DLGAP2: variants seen among roughly 807,000 people sequenced by gnomAD.
The protein encoded by DLGAP2 is disks large-associated protein 2.
Under a neutral mutation model 100.3 loss-of-function variants are expected in DLGAP2, and 26 were observed. The observed-to-expected ratio is 0.26, with a 90% confidence interval of 0.19 to 0.36. The LOEUF (loss-of-function observed/expected upper bound fraction) is 0.36. Ranked by LOEUF, DLGAP2 falls within the 10% of genes least tolerant of loss-of-function variation. DLGAP2 has a pLI of 1.00. For missense variants in DLGAP2, 1,858 were observed against 1,453.2 expected, an observed-to-expected ratio of 1.28 and a Z score of -4.53; for synonymous variants, 886 against 630.1, an observed-to-expected ratio of 1.41 and a Z score of -6.08.
At chr8:1,032,675 G>C (rs751667311) in intron 2 of DLGAP2, 1 of 152,186 alleles carries the variant, frequency 6.6e-6, no homozygotes. Context: ...ATTTGAGTCT[G>C]TTATTCTTTA....
intron 2 of DLGAP2, among the ~76,000 whole-genome samples, chr8:1,037,297 C>T (rs760934917): frequency 3.7e-4 from 56 of 152,188 alleles, no homozygotes; most frequent in Admixed American, 5.9e-4. Context: ...TGACTTCAGG[C>T]TCTGGCTCAA....
intron 4 of DLGAP2, among the ~76,000 whole-genome samples, chr8:1,518,252 T>C (rs937068739): frequency 6.6e-6 from 1 of 152,212 alleles, no homozygotes; most frequent in South Asian, 2.1e-4. Context: ...TGCTCCCAAA[T>C]TGCATTCTGG....
intron 12 of DLGAP2, among the ~76,000 whole-genome samples, chr8:1,689,827 G>T (rs1399385273): frequency 6.6e-6 from 1 of 152,198 alleles, no homozygotes; most frequent in East Asian, 1.9e-4. Flanking sequence ...GGCAGCCCTG[G>T]CCCCACGTGC....
intron 8 of DLGAP2, among the ~76,000 whole-genome samples, chr8:1,651,866 G>A (rs1303550464): frequency 1.3e-5 from 2 of 152,090 alleles, no homozygotes; most frequent in African/African-American, 2.4e-5. Context: ...GTGACCACCC[G>A]AGGCAAGCCC....
chr8:1,603,993 C>G (rs954545366), intron 6 of DLGAP2, among the ~76,000 whole-genome samples: 3 of 152,166 alleles, frequency 2.0e-5, no homozygotes, highest in East Asian at 1.9e-4. Flanking sequence ...CGCGTCGGCA[C>G]CTCTCCTCAA....
chr8:948,783 C>G (rs1449275561), intron 2 of DLGAP2, among the ~76,000 whole-genome samples: 3 of 152,270 alleles, frequency 2.0e-5, no homozygotes, highest in Admixed American at 1.3e-4. Context: ...CCAGCCTTGT[C>G]AGACACTGCC....
intron 3 of DLGAP2, among the ~76,000 whole-genome samples, chr8:1,358,618 C>G (rs971477358): frequency 6.6e-6 from 1 of 152,148 alleles, no homozygotes; most frequent in Non-Finnish European, 1.5e-5. Context: ...AGCGTTTGGA[C>G]GGCTCTTTGA....
chr8:1,630,697 A>G (rs1049633008), intron 7 of DLGAP2, among the ~76,000 whole-genome samples: 52 of 151,440 alleles, frequency 3.4e-4, no homozygotes, highest in African/African-American at 1.1e-3. Context: ...GCGAGACTCC[A>G]TCTCGAAAAA....
intron 10 of DLGAP2, among the ~76,000 whole-genome samples, chr8:1,674,599 T>A (rs1798766721): frequency 6.6e-6 from 1 of 152,212 alleles, no homozygotes; most frequent in Admixed American, 6.5e-5. Flanking sequence ...CAAAATATCT[T>A]TAAAAGTATT....
intron 4 of DLGAP2, among the ~76,000 whole-genome samples, chr8:1,526,848 C>T (rs757326503): frequency 4.6e-5 from 7 of 152,184 alleles, no homozygotes; most frequent in Non-Finnish European, 1.0e-4. Flanking sequence ...GCCCAGGGTT[C>T]TCTCTGGGCA....
intron 2 of DLGAP2, among the ~76,000 whole-genome samples, chr8:1,103,479 G>T: frequency 7.1e-6 from 1 of 141,590 alleles, no homozygotes; most frequent in Non-Finnish European, 1.5e-5. Flanking sequence ...TTGATGACTG[G>T]CGGGGCCTTG....
At chr8:1,492,640 C>T (rs1336106977) in intron 3 of DLGAP2, among the ~76,000 whole-genome samples, 5 of 152,198 alleles carry the variant, frequency 3.3e-5, no homozygotes, top group African/African-American at 1.2e-4. Flanking sequence ...GAAGAGGTGC[C>T]GTGGAGCACG....
chr8:1,359,571 C>T (rs138232046), intron 3 of DLGAP2, among the ~76,000 whole-genome samples: 166 of 152,350 alleles, frequency 1.1e-3, no homozygotes, highest in African/African-American at 3.6e-3. Context: ...AAGCCCAGGC[C>T]GCTCAGCGGG....
chr8:981,800 A>G (rs1453527638), intron 2 of DLGAP2, among the ~76,000 whole-genome samples: 1 of 152,172 alleles, frequency 6.6e-6, no homozygotes, highest in Admixed American at 6.5e-5. Context: ...AGTTCTTTAT[A>G]TATTGTGGAT....
In DLGAP2 at chr8:1,214,397, G is replaced by A. The variant is rs17065831; in HGVS notation, c.74-44454G>A. 4.6e-3 allele frequency among the ~76,000 whole-genome samples: 700 copies of A among 152,248 alleles called. 15 individuals carry two copies. In the East Asian group the frequency reaches 0.059, roughly 13 times the overall value. ...GAGGTGCCATTGCTGATGACAGAAG[G>A]GCATCTCGTAGATTGGGACTGCAGG... On this transcript the variant is annotated intron_variant, in intron 2 of 14. Transcript: ENST00000637795.
chr8:1,568,609 C>G (rs1223362246), intron 6 of DLGAP2, among the ~76,000 whole-genome samples: 2 of 137,490 alleles, frequency 1.5e-5, no homozygotes, highest in African/African-American at 2.8e-5. Context: ...CCCCATGCCA[C>G]TGTTCACTCA....
chr8:1,601,648 T>C (rs987586899), intron 6 of DLGAP2, among the ~76,000 whole-genome samples: 6 of 152,122 alleles, frequency 3.9e-5, no homozygotes, highest in African/African-American at 1.4e-4. Context: ...GTTTGTCACA[T>C]TGAAAGTAAA....
At chr8:1,676,435 G>A in intron 10 of DLGAP2, 98 bp from the exon 11 acceptor site, 2 of 1,289,594 alleles carry the variant, frequency 1.6e-6, no homozygotes, top group Non-Finnish European at 2.2e-6. Flanking sequence ...TTAAACAAAT[G>A]CGTAATTAAT....
At chr8:1,344,258 C>G (rs1027623417) in intron 3 of DLGAP2, among the ~76,000 whole-genome samples, 1 of 152,214 alleles carries the variant, frequency 6.6e-6, no homozygotes, top group African/African-American at 2.4e-5. Context: ...CGCCCAGTCT[C>G]CCCTCGAGCT....
Sources: allele counts gnomAD v4.1 joint callset (sites outside exome capture counted in the v4.1 genomes callset), GRCh38; gene constraint gnomAD v4.1.1; transcripts MANE v1.5; gene names NCBI Gene and HGNC (gene_info 2026-07-23, HGNC 2026-07-21).